The following URB2 variants were observed in gnomAD, a reference collection of about 807,000 sequenced individuals.
URB2 encodes URB2 ribosome biogenesis homolog, also known as unhealthy ribosome biogenesis protein 2 homolog.
URB2 carries 86 observed loss-of-function variants against 120.9 expected under a neutral mutation model. The observed-to-expected ratio is 0.71, with a 90% CI of 0.60 to 0.85. The LOEUF (loss-of-function observed/expected upper bound fraction) is 0.85, where lower values mean the gene tolerates loss of function less well. Among genes scored for constraint, URB2 ranks in the 40% least tolerant of loss-of-function variants. The pLI is 0.00. For synonymous variants in URB2, 755 were observed against 758.4 expected (o/e 1.00, Z 0.07); for missense variants, 1,765 against 1,836.5 (o/e 0.96, Z 0.71).
chr1:229,654,229 A>G lies in URB2; in HGVS notation c.4238-20A>G. 6.2e-7 allele frequency: 1 copy of G among 1,610,584 alleles called. No individual in the cohort carries two copies. Among genetic ancestry groups the G allele is most frequent in the South Asian group, 1.1e-5 (1 of 90,882 alleles). On this transcript the variant is annotated intron_variant, in intron 8 of 9. Transcript: ENST00000258243. ...GCTGTTTTTGAACTAATTGGTTGGG[A>G]AACACTTTGTTGTCTGTAGGAAGCA...
At chr1:229,647,141 G>T (rs1182692182) in intron 6 of URB2, among the ~76,000 whole-genome samples, 1 of 152,146 alleles carries the variant, frequency 6.6e-6, no homozygotes, top group Non-Finnish European at 1.5e-5. Flanking sequence ...GTGTAGCAGG[G>T]GTCCGCACAG....
rs114931876 is a variant in URB2 at position 229,647,683 on chromosome 1, G to A, written c.4080G>A (p.Pro1360=). ...LLTVPLDHLK[P]LEYGSVFPRL... is the part of the protein sequence containing the mutation. ...CTGTCCCTTTGGACCATCTGAAGCC[G>A]CTGGAGTATGGAAGCGTCTTCCCGA... The change falls in exon 7 of 10, where the codon CCG becomes CCA. Residue 1360 remains proline, a synonymous_variant. Coordinates refer to ENST00000258243, the MANE Select transcript of URB2 (RefSeq NM_014777.4). The A allele has an allele frequency of 6.4e-5, 104 of 1,614,102 alleles. 1 individual carries two copies. In the South Asian group the frequency reaches 9.9e-4, roughly 15 times the overall value.
At chr1:229,644,910 G>T (rs555724147) in intron 5 of URB2, among the ~76,000 whole-genome samples, 189 of 152,196 alleles carry the variant, frequency 1.2e-3, no homozygotes, top group South Asian at 8.9e-3. Flanking sequence ...TTTTTCAAAG[G>T]GGAAGTTTTT....
chr1:229,634,929 A>C lies in URB2; in HGVS notation c.316A>C (p.Arg106=). 6.6e-7 allele frequency: 1 copy of C among 1,525,518 alleles called. No individual in the cohort carries two copies. Among genetic ancestry groups the C allele is most frequent in the Non-Finnish European group, 8.8e-7 (1 of 1,136,098 alleles). 94.5% of individuals were successfully genotyped at this position (1,525,518 alleles called of 1,614,324 possible). A position where few individuals can be genotyped will look rare whatever the true frequency, so the allele number is the denominator to read the frequency against. Residue 106 remains arginine (R), a synonymous_variant, in exon 4 of 10, where the codon AGA becomes CGA. Transcript: ENST00000258243. Reference sequence around the variant, plus strand: ...TCTTAATGTTCAGATCATCAATGAGAGAGTAGCTGAGTTCTCTCTTTCGGG... The same window carrying C: ...TCTTAATGTTCAGATCATCAATGAGCGAGTAGCTGAGTTCTCTCTTTCGGG... The part of the protein sequence containing the change: ...QISLVKIINE[R]VAEFSLSGSQ...
At chr1:229,646,056 C>A in intron 6 of URB2, 87 bp downstream of exon 6, 2 of 1,262,158 alleles carry the variant, frequency 1.6e-6, no homozygotes, top group Non-Finnish European at 2.3e-6. Context: ...GTCTGCTGCC[C>A]TGTAGCTTTA....
chr1:229,632,606 T>C (rs2102781073), intron 3 of URB2, among the ~76,000 whole-genome samples, 161 bp downstream of exon 3: 1 of 152,356 alleles, frequency 6.6e-6, no homozygotes. Flanking sequence ...AACTATTGAA[T>C]GTGTATCATA....
rs979457853 is a variant in URB2, at chr1:229,637,104, T to G, written c.2491T>G (p.Ser831Ala). 5.6e-6 allele frequency: 9 copies of G among 1,612,820 alleles called. No homozygotes were observed. The highest frequency in any genetic ancestry group is 6.8e-6 in the Non-Finnish European group (8 of 1,179,242). ...TCTGTGTTCTGGTGCCCAGCGTGACTCAGGTCTTGTCAGTCAGCAGCTTCC... is the reference window on the plus strand; with the variant it reads ...TCTGTGTTCTGGTGCCCAGCGTGACGCAGGTCTTGTCAGTCAGCAGCTTCC... ...SILCSGAQRD[S>A]GLVSQQLPWL... The change falls in exon 4 of 10, where the codon TCA becomes GCA. Residue 831 changes from serine (S) to alanine (A), a missense_variant. Physicochemically the swap from Ser to Ala is moderately conservative, Grantham distance 99 (BLOSUM62 1). Transcript: ENST00000258243.
rs375636944 is a variant in URB2, at chr1:229,643,640, C to T, written c.3742C>T (p.Gln1248Ter). Residue 1248 changes from glutamine to a stop codon, truncating the protein, a stop_gained, in exon 5 of 10, where the codon CAG (glutamine) becomes TAG (stop). Transcript: ENST00000258243. LOFTEE classifies it high-confidence loss of function. Reference protein sequence around the residue: ...GTTEDLRLVMQCILQGLDVSN... With the variant: ...GTTEDLRLVM ...GACAGAGGACTTGAGGCTGGTGATG[C>T]AGTGTATTCTCCAGGGACTGGATGT... is the stretch of plus-strand genomic sequence containing the variant. 3 of 1,614,218 alleles carry T rather than the reference C, an allele frequency of 1.9e-6. No individual in the cohort carries two copies. Among genetic ancestry groups the T allele is most frequent in the Non-Finnish European group, 1.7e-6 (2 of 1,180,046 alleles).
chr1:229,627,852 A>T, intron 2 of URB2, 93 bp downstream of exon 2: 1 of 1,439,770 alleles, frequency 6.9e-7, no homozygotes, highest in East Asian at 2.4e-5. Context: ...AAATAAAAAA[A>T]TAGAGAAAAA....
rs961958571 is a variant in URB2, at chr1:229,626,281, G to C, written c.-89G>C. ...CCTCCGCCGCACCGGGACAGCAGCC[G>C]CCGCCGCTGCCGCCGTCCTCCCCTG... On this transcript the variant is annotated 5_prime_UTR_variant, in exon 1 of 10. Coordinates refer to ENST00000258243, the MANE Select transcript of URB2 (RefSeq NM_014777.4). 1.3e-5 allele frequency: 2 copies of C among 153,496 alleles called. No homozygotes were observed. Among genetic ancestry groups the C allele is most frequent in the Admixed American group, 1.3e-4 (2 of 15,292 alleles). 9.5% of individuals were successfully genotyped at this position (153,496 alleles called of 1,614,324 possible).
chr1:229,645,897 G>A lies in URB2; in HGVS notation c.3834G>A (p.Leu1278=). 1 of 1,614,158 alleles carries A rather than the reference G, an allele frequency of 6.2e-7. No individual in the cohort carries two copies. Among genetic ancestry groups the A allele is most frequent in the Non-Finnish European group, 8.5e-7 (1 of 1,180,040 alleles). ...VSAVTLLRLL[L]NCPLSGEKAS... is the part of the protein sequence containing the mutation. ...CTGTTACACTGCTGAGGCTGCTACTGAACTGCCCACTCAGTGGAGAGAAAG... is the reference window on the plus strand; with the variant it reads ...CTGTTACACTGCTGAGGCTGCTACTAAACTGCCCACTCAGTGGAGAGAAAG... Residue 1278 remains leucine, a synonymous_variant, in exon 6 of 10, where the codon CTG becomes CTA. Coordinates refer to ENST00000258243, the MANE Select transcript of URB2 (RefSeq NM_014777.4).
chr1:229,630,228 G>A (rs908329415), intron 2 of URB2, among the ~76,000 whole-genome samples: 4 of 152,122 alleles, frequency 2.6e-5, no homozygotes, highest in Non-Finnish European at 2.9e-5. Flanking sequence ...CTCCACATCC[G>A]TCAGAGAAAT....
intron 9 of URB2, among the ~76,000 whole-genome samples, chr1:229,658,460 A>G (rs1215746696): frequency 6.6e-6 from 1 of 152,224 alleles, no homozygotes; most frequent in African/African-American, 2.4e-5. Context: ...TTAGGAATTA[A>G]GTGCATATTG....
rs1558165727 is a variant in URB2 at position 229,637,446 on chromosome 1, T to A, written c.2833T>A (p.Cys945Ser). 1.2e-6 allele frequency: 2 copies of A among 1,614,214 alleles called. No individual in the cohort carries two copies. The highest frequency in any genetic ancestry group is 1.7e-5 in the Admixed American group (1 of 60,030). ...SSLALKFLTT[C>S]YQLLGYLQKG... ...ACTGGCTCTCAAGTTCTTGACGACTTGCTACCAACTTCTTGGTTACTTGCA... is the reference window on the plus strand; with the variant it reads ...ACTGGCTCTCAAGTTCTTGACGACTAGCTACCAACTTCTTGGTTACTTGCA... The change falls in exon 4 of 10, where the codon TGC (cysteine) becomes AGC (serine). Residue 945 changes from cysteine (C) to serine (S), a missense_variant. Physicochemically the swap from Cys to Ser is moderately radical, Grantham distance 112. Transcript: ENST00000258243.
At chr1:229,641,475 GCC>G (rs1318789431) in intron 4 of URB2, among the ~76,000 whole-genome samples, 2 of 152,146 alleles carry the variant, frequency 1.3e-5, no homozygotes, top group African/African-American at 4.8e-5. Context: ...CTGTGTCCAG[GCC>G]TCTTCCACCT....
At chr1:229,653,915 A>G (rs1415120063) in intron 8 of URB2, among the ~76,000 whole-genome samples, 1 of 124,522 alleles carries the variant, frequency 8.0e-6, no homozygotes, top group Non-Finnish European at 1.7e-5. Flanking sequence ...ATTTGCCTTT[A>G]TTATAGAACT....
Position 229,638,075 on chromosome 1 carries a change from C to A in URB2, c.3462C>A (p.Tyr1154Ter). 6.2e-7 allele frequency: 1 copy of A among 1,614,204 alleles called. No individual in the cohort carries two copies. The highest frequency in any genetic ancestry group is 8.5e-7 in the Non-Finnish European group (1 of 1,180,028). Residue 1154 changes from tyrosine (Y) to a stop codon, truncating the protein, a stop_gained, in exon 4 of 10, where the codon TAC becomes TAA. Transcript: ENST00000258243. LOFTEE classifies it high-confidence loss of function. The stretch of plus-strand genomic sequence containing the variant: ...CGCTGCTCTCCCATGTTGCCCTCTA[C>A]CAGGGTGTTTACTCTCAGATACTGT... ...DRTLLSHVAL[Y>*]QGVYSQILLE...
intron 7 of URB2, 51 bp downstream of exon 7, chr1:229,647,803 A>G (rs1254862745): frequency 6.3e-7 from 1 of 1,576,196 alleles, no homozygotes; most frequent in Non-Finnish European, 8.6e-7. Flanking sequence ...CGAGCAGGGT[A>G]CTTGAAGTCT....
intron 8 of URB2, among the ~76,000 whole-genome samples, chr1:229,652,396 T>A (rs1404493029): frequency 6.6e-6 from 1 of 151,358 alleles, no homozygotes; most frequent in Non-Finnish European, 1.5e-5. Flanking sequence ...AATACAGGAG[T>A]GGTGCTCAGC....
Sources: allele counts gnomAD v4.1 joint callset (sites outside exome capture counted in the v4.1 genomes callset), GRCh38; gene constraint gnomAD v4.1.1; transcripts MANE v1.5; gene names NCBI Gene and HGNC (gene_info 2026-07-23, HGNC 2026-07-21).